ANPEP: variants seen among roughly 807,000 people sequenced by gnomAD.
ANPEP encodes aminopeptidase N.
ANPEP carries 70 observed loss-of-function variants against 114.6 expected under a neutral mutation model. That is an observed-to-expected ratio of 0.61 (90% CI 0.50 to 0.75). The LOEUF (loss-of-function observed/expected upper bound fraction) is 0.75. Among genes scored for constraint, ANPEP ranks in the 30% least tolerant of loss-of-function variants. ANPEP has a pLI of 0.00. For missense variants in ANPEP, 1,184 were observed against 1,259.5 expected (o/e 0.94, Z 0.91); for synonymous variants, 548 against 522.3 (o/e 1.05, Z -0.67).
chr15:89,806,739 G>A lies in ANPEP; in HGVS notation c.-156C>T. 1 of 1,193,562 alleles carries A rather than the reference G, an allele frequency of 8.4e-7. No homozygotes were observed. The highest frequency in any genetic ancestry group is 1.1e-6 in the Non-Finnish European group (1 of 880,916). 73.9% of individuals were successfully genotyped at this position (1,193,562 alleles called of 1,614,324 possible). A position where few individuals can be genotyped will look rare whatever the true frequency, so the allele number is the denominator to read the frequency against. On this transcript the variant is annotated 5_prime_UTR_variant, in exon 2 of 21. Coordinates refer to ENST00000300060, the MANE Select transcript of ANPEP (RefSeq NM_001150.3). This position sits in a 1 kb window ranked among gnomAD's most constrained non-coding sequence, Gnocchi z 5.7. ...CAACAGGCGAAGGTCACTGGACTGG[G>A]CAGGGGCACGCTCCGCCTGGGGAGA...
At chr15:89,794,545 G>C (rs1009842483) in intron 15 of ANPEP, among the ~76,000 whole-genome samples, 2 of 150,212 alleles carry the variant, frequency 1.3e-5, no homozygotes, top group African/African-American at 4.8e-5. Flanking sequence ...GCAAGGGACA[G>C]AGGGGAGGTA....
Position 89,785,437 on chromosome 15 carries a change from T to TGCTCCAGGGCCC in ANPEP, c.2804_2815dup (p.Arg935_Glu938dup). The TGCTCCAGGGCCC allele has an allele frequency of 6.2e-7, 1 of 1,614,176 alleles. No homozygotes were observed. The highest frequency in any genetic ancestry group is 8.5e-7 in the Non-Finnish European group (1 of 1,179,994). ...GTTGGCTTTCGTCTTCTCCAGGGCT[T>TGCTCCAGGGCCC]GCTCCAGGGCCCGGGTGCCTGAGCC... On this transcript the variant is annotated inframe_insertion, in exon 21 of 21. Coordinates refer to ENST00000300060, the MANE Select transcript of ANPEP (RefSeq NM_001150.3).
chr15:89,794,718 T>C lies in ANPEP; in HGVS notation c.2158-1592A>G, dbSNP rs530415448. On this transcript the variant is annotated intron_variant, in intron 15 of 20. Coordinates refer to ENST00000300060, the MANE Select transcript of ANPEP (RefSeq NM_001150.3). Reference sequence around the variant, plus strand: ...GGGTCACCAGACCACAGTGGGAGGGTTGCTGGATTGCAAAGAGGGTCAGAG... The same window carrying C: ...GGGTCACCAGACCACAGTGGGAGGGCTGCTGGATTGCAAAGAGGGTCAGAG... 3.4e-4 allele frequency among the ~76,000 whole-genome samples: 51 copies of C among 151,498 alleles called. No homozygotes were observed. The East Asian group carries it at 9.5e-3, about 28-fold the overall frequency.
chr15:89,789,797 G>A (rs1199066809), intron 20 of ANPEP, among the ~76,000 whole-genome samples: 3 of 136,276 alleles, frequency 2.2e-5, no homozygotes, highest in Non-Finnish European at 3.2e-5. Context: ...AAAGCTGGAC[G>A]CCGTGGCTCA....
At chr15:89,804,156 C>T in intron 6 of ANPEP, 97 bp downstream of exon 6, 3 of 1,579,234 alleles carry the variant, frequency 1.9e-6, no homozygotes, top group Non-Finnish European at 2.6e-6. Context: ...GCGGCACCCT[C>T]CTCCCTTCTC....
At chr15:89,810,899 C>A (rs1454376949) in intron 1 of ANPEP, among the ~76,000 whole-genome samples, 3 of 152,262 alleles carry the variant, frequency 2.0e-5, no homozygotes, top group Non-Finnish European at 2.9e-5. Flanking sequence ...CCCTTCCTCC[C>A]TACACACAAG....
Position 89,792,466 on chromosome 15 carries a change from G to A in ANPEP, c.2346C>T (p.Asn782=). 1 of 1,614,114 alleles carries A rather than the reference G, an allele frequency of 6.2e-7. No homozygotes were observed. The highest frequency in any genetic ancestry group is 8.5e-7 in the Non-Finnish European group (1 of 1,179,984). ...VSGLFKQWME[N]PNNNPIHPNL... Reference sequence around the variant, plus strand: ...GAGACACTCACGGGTTATTATTGGGGTTCTCCATCCACTGCTTGAAAAGGC... The same window carrying A: ...GAGACACTCACGGGTTATTATTGGGATTCTCCATCCACTGCTTGAAAAGGC... The change falls in exon 17 of 21, where the codon AAC becomes AAT. Residue 782 remains asparagine, a synonymous_variant. Coordinates refer to ENST00000300060, the MANE Select transcript of ANPEP (RefSeq NM_001150.3).
In ANPEP at chr15:89,801,501, C is replaced by G; in HGVS notation, c.1676G>C (p.Gly559Ala). 6.2e-7 allele frequency: 1 copy of G among 1,614,114 alleles called. No homozygotes were observed. The highest frequency in any genetic ancestry group is 2.2e-5 in the East Asian group (1 of 44,888). The change falls in exon 11 of 21, where the codon GGG becomes GCG. Residue 559 changes from glycine to alanine, a missense_variant. Physicochemically the swap from Gly to Ala is moderately conservative, Grantham distance 60. Transcript: ENST00000300060. ...FPVITVDTST[G>A]TLSQEHFLLD... ...GAGGAAGTGCTCCTGGGAAAGGGTCCCCGTGCTGGTATCCACCGTGATGAC... is the reference window on the plus strand; with the variant it reads ...GAGGAAGTGCTCCTGGGAAAGGGTCGCCGTGCTGGTATCCACCGTGATGAC...
intron 12 of ANPEP, among the ~76,000 whole-genome samples, chr15:89,800,431 A>T (rs1894563834): frequency 6.6e-6 from 1 of 151,808 alleles, no homozygotes; most frequent in South Asian, 2.1e-4. Context: ...GCCTTCCTTC[A>T]TCTGTAGCCT....
intron 12 of ANPEP, among the ~76,000 whole-genome samples, chr15:89,800,488 C>T (rs558482930): frequency 1.5e-4 from 23 of 152,120 alleles, no homozygotes; most frequent in African/African-American, 5.3e-4. Flanking sequence ...TTCTTCAGTG[C>T]CTTGCTGAGT....
chr15:89,806,850 T>G lies in ANPEP; in HGVS notation c.-223-44A>C. 2.2e-6 allele frequency: 1 copy of G among 462,798 alleles called. No homozygotes were observed. The highest frequency in any genetic ancestry group is 3.1e-5 in the South Asian group (1 of 31,896). 28.7% of individuals were successfully genotyped at this position (462,798 alleles called of 1,614,324 possible). ...GTCTGGTTACAGGCTGCAGGCGGCC[T>G]GGGATCAGGCCCGAGGGCTGAAGGG... is the stretch of plus-strand genomic sequence containing the variant. On this transcript the variant is annotated intron_variant, in intron 1 of 20. Coordinates refer to ENST00000300060, the MANE Select transcript of ANPEP (RefSeq NM_001150.3). This position sits in a 1 kb window ranked among gnomAD's most constrained non-coding sequence, Gnocchi z 5.7.
In ANPEP at chr15:89,785,287, C is replaced by G; in HGVS notation, c.*62G>C. On this transcript the variant is annotated 3_prime_UTR_variant, in exon 21 of 21. Transcript: ENST00000300060. ...TCCAGGAATGGAGGCCCTGCACCAG[C>G]CGCTGGGATGGACACATGTGGGCAC... 6.3e-7 allele frequency: 1 copy of G among 1,599,776 alleles called. No homozygotes were observed.
At chr15:89,798,751 C>T (rs141117801) in intron 14 of ANPEP, among the ~76,000 whole-genome samples, 9,866 of 149,262 alleles carry the variant, frequency 0.066, 428 homozygotes, top group Non-Finnish European at 0.098. Context: ...ACCAGCCTGA[C>T]CAACATGGTG....
intron 1 of ANPEP, among the ~76,000 whole-genome samples, chr15:89,811,495 A>AATTAGCCGG (rs1567164045): frequency 6.6e-6 from 1 of 151,310 alleles, no homozygotes; most frequent in African/African-American, 2.4e-5. Flanking sequence ...AAATACAAAA[A>AATTAGCCGG]ATTAGCCGGG....
intron 20 of ANPEP, among the ~76,000 whole-genome samples, chr15:89,787,533 T>G (rs1968530717): frequency 6.6e-6 from 1 of 152,340 alleles, no homozygotes; most frequent in East Asian, 1.9e-4. Context: ...TTTAAAATTT[T>G]GGGTATCAAA....
intron 15 of ANPEP, among the ~76,000 whole-genome samples, chr15:89,793,607 G>C (rs1968674026): frequency 6.6e-6 from 1 of 150,542 alleles, no homozygotes; most frequent in African/African-American, 2.5e-5. Flanking sequence ...GGAGGCTGAG[G>C]CAGGAGAATC....
rs774012526 is a variant in ANPEP, at chr15:89,803,636, G to A, written c.1437+11C>T. The stretch of plus-strand genomic sequence containing the variant: ...CCTCCTTCCCCGTGCCCCACGAGGA[G>A]CGGGCTGCACCTTGCTGTAGGAGAT... On this transcript the variant is annotated intron_variant, in intron 8 of 20. Coordinates refer to ENST00000300060, the MANE Select transcript of ANPEP (RefSeq NM_001150.3). This position sits in a 1 kb window ranked among gnomAD's most constrained non-coding sequence, Gnocchi z 4.2. The A allele has an allele frequency of 6.8e-6, 11 of 1,608,310 alleles. No individual in the cohort carries two copies. The highest frequency in any genetic ancestry group is 3.3e-4 in the Middle Eastern group (2 of 6,052).
At position 89,806,676 on chromosome 15, in the gene ANPEP, C is replaced by T; in HGVS notation, c.-93G>A. On this transcript the variant is annotated 5_prime_UTR_variant, in exon 2 of 21. Transcript: ENST00000300060. The surrounding 1 kb of genome is among the most constrained non-coding windows in gnomAD (Gnocchi z 5.7). Reference sequence around the variant, plus strand: ...CTTATATCCCCAAAGGGGAGGAGCCCCACAACAGGCAGACTGGGCAAAAAT... The same window carrying T: ...CTTATATCCCCAAAGGGGAGGAGCCTCACAACAGGCAGACTGGGCAAAAAT... The T allele has an allele frequency of 6.9e-7, 1 of 1,450,216 alleles. No homozygotes were observed. The highest frequency in any genetic ancestry group is 9.1e-7 in the Non-Finnish European group (1 of 1,102,572). The allele number at this position is 1,450,216 out of a possible 1,614,324, so 89.8% of individuals were successfully genotyped here.
intron 18 of ANPEP, 122 bp downstream of exon 18, chr15:89,792,038 C>G (rs1183312969): frequency 8.5e-7 from 1 of 1,182,210 alleles, no homozygotes; most frequent in Non-Finnish European, 1.2e-6. Flanking sequence ...TTTGGAAATA[C>G]TGCCTCCACC....
Sources: allele counts gnomAD v4.1 joint callset (sites outside exome capture counted in the v4.1 genomes callset), GRCh38; gene constraint gnomAD v4.1.1; non-coding constraint Gnocchi (gnomAD v3.1); transcripts MANE v1.5; gene names NCBI Gene and HGNC (gene_info 2026-07-23, HGNC 2026-07-21).